The following LTV1 variants were observed in gnomAD, a reference collection of about 807,000 sequenced individuals.
LTV1 encodes LTV1 ribosome biogenesis factor.
In LTV1, 39 loss-of-function variants were observed where a neutral mutation model predicts 59.9. That is an observed-to-expected ratio of 0.65 (90% CI 0.50 to 0.85). LTV1 has a LOEUF of 0.85. LTV1 is among the 40% of genes least tolerant of loss of function. LTV1 has a pLI of 0.00. For missense variants in LTV1, 493 were observed against 549.1 expected, an observed-to-expected ratio of 0.90 and a Z score of 1.02; for synonymous variants, 171 against 189.5, an observed-to-expected ratio of 0.90 and a Z score of 0.80.
At position 143,843,404 on chromosome 6, in the gene LTV1, A is replaced by G. The variant is rs1389517207; in HGVS notation, c.-74A>G. 6.3e-7 allele frequency: 1 copy of G among 1,597,846 alleles called. No homozygotes were observed. ...GCCTACAGAAGCGGCCTTCAGCTGG[A>G]CCTTGGTCTCCCCGCCGGACTTCGA... On this transcript the variant is annotated 5_prime_UTR_variant, in exon 1 of 11. Transcript: ENST00000367576.
At chr6:143,846,457 T>C (rs1210811254) in intron 3 of LTV1, among the ~76,000 whole-genome samples, 3 of 152,032 alleles carry the variant, frequency 2.0e-5, no homozygotes, top group Non-Finnish European at 4.4e-5. Context: ...TCAGAACTTT[T>C]GATTGATAGA....
intron 4 of LTV1, among the ~76,000 whole-genome samples, chr6:143,854,229 A>G (rs946092158): frequency 6.6e-6 from 1 of 152,016 alleles, no homozygotes; most frequent in African/African-American, 2.4e-5. Flanking sequence ...TTTCTAGTTT[A>G]TTTTCATAGA....
rs954451436 is a variant in LTV1, at chr6:143,843,356, C to G, written c.-122C>G. On this transcript the variant is annotated 5_prime_UTR_variant, in exon 1 of 11. Coordinates refer to ENST00000367576, the MANE Select transcript of LTV1 (RefSeq NM_032860.5). The stretch of plus-strand genomic sequence containing the variant: ...CGGCTGGGTGACGTTATCGCCGGGT[C>G]CTGGGGCTGCACGTGTGGTGAGGCC... 7.3e-6 allele frequency: 9 copies of G among 1,231,934 alleles called. No homozygotes were observed. The Admixed American group carries it at 1.5e-4, about 21-fold the overall frequency. 76.3% of individuals were successfully genotyped at this position (1,231,934 alleles called of 1,614,324 possible).
intron 7 of LTV1, among the ~76,000 whole-genome samples, chr6:143,861,792 G>T (rs886614093): frequency 6.6e-6 from 1 of 152,024 alleles, no homozygotes; most frequent in Non-Finnish European, 1.5e-5. Flanking sequence ...TGAAATATTC[G>T]AATACTTTGC....
chr6:143,844,641 C>T (rs1214242611), intron 2 of LTV1, 24 bp downstream of exon 2: 1 of 1,594,656 alleles, frequency 6.3e-7, no homozygotes, highest in South Asian at 1.2e-5. Context: ...TTTAGCCAGT[C>T]AGTTTGTAGG....
intron 4 of LTV1, among the ~76,000 whole-genome samples, chr6:143,856,362 C>T (rs1278852480): frequency 2.0e-5 from 3 of 152,198 alleles, no homozygotes; most frequent in Non-Finnish European, 1.5e-5. Context: ...TTTTAGCTTC[C>T]TTGCGTTGGG....
chr6:143,857,615 A>G lies in LTV1; in HGVS notation c.540-137A>G, dbSNP rs1777098449. On this transcript the variant is annotated intron_variant, in intron 5 of 10. Transcript: ENST00000367576. This position sits in a 1 kb window ranked among gnomAD's most constrained non-coding sequence, Gnocchi z 5.2. ...TTCATTGCTTTTCCTACCAAACCAG[A>G]TTGATCAAACACCCTCACTCTTCCT... is the stretch of plus-strand genomic sequence containing the variant. 3 of 1,121,618 alleles carry G rather than the reference A, an allele frequency of 2.7e-6. No individual in the cohort carries two copies. The highest frequency in any genetic ancestry group is 3.9e-6 in the Non-Finnish European group (3 of 769,476). 69.5% of individuals were successfully genotyped at this position (1,121,618 alleles called of 1,614,324 possible).
At chr6:143,847,383 C>T (rs993667901) in intron 3 of LTV1, among the ~76,000 whole-genome samples, 5 of 152,174 alleles carry the variant, frequency 3.3e-5, no homozygotes, top group East Asian at 1.9e-4. Flanking sequence ...GTTGTTGAGA[C>T]GGAGTTTTGC....
chr6:143,862,814 C>T lies in LTV1; in HGVS notation c.1064-30C>T, dbSNP rs1777189039. On this transcript the variant is annotated intron_variant, in intron 8 of 10. Transcript: ENST00000367576. The surrounding 1 kb of genome is among the most constrained non-coding windows in gnomAD (Gnocchi z 4.2). The stretch of plus-strand genomic sequence containing the variant: ...CTTTGTGGAACTGAAAACATGCTTA[C>T]TGATACATGACTTTTATTTGTTTGT... The T allele has an allele frequency of 7.3e-7, 1 of 1,365,386 alleles. No homozygotes were observed. Among genetic ancestry groups the T allele is most frequent in the Non-Finnish European group, 1.0e-6 (1 of 954,078 alleles). The allele number at this position is 1,365,386 out of a possible 1,614,324, so 84.6% of individuals were successfully genotyped here.
At chr6:143,850,275 G>A in intron 4 of LTV1, 57 bp downstream of exon 4, 1 of 1,334,712 alleles carries the variant, frequency 7.5e-7, no homozygotes, top group Non-Finnish European at 1.1e-6. Context: ...AAAACATAAA[G>A]AAATGATGTA....
chr6:143,853,814 G>T (rs1777029281), intron 4 of LTV1, among the ~76,000 whole-genome samples: 1 of 152,168 alleles, frequency 6.6e-6, no homozygotes, highest in South Asian at 2.1e-4. Context: ...CTTGATTGTG[G>T]TGAATAAGCT....
At chr6:143,858,690 G>T (rs12527533) in intron 6 of LTV1, 4,140 of 153,588 alleles carry the variant, frequency 0.027, 105 homozygotes, top group Admixed American at 0.072. Context: ...GAAGCCGAGC[G>T]GGTTGAGGTT....
Position 143,844,486 on chromosome 6 carries a change from C to A in LTV1, c.4C>A (p.Pro2Thr), listed in dbSNP as rs778845433. The change falls in exon 2 of 11, where the codon CCT becomes ACT. Residue 2 changes from proline to threonine, a missense_variant and splice_region_variant. Coordinates refer to ENST00000367576, the MANE Select transcript of LTV1 (RefSeq NM_032860.5). The stretch of plus-strand genomic sequence containing the variant: ...TTGTTGTGATTTTGTTCCTTTGAAG[C>A]CTCACAGGAAGAAAAAGCCCTTTAT... MPHRKKKPFIEK... is the reference protein window; with the variant it reads MTHRKKKPFIEK... The A allele has an allele frequency of 5.0e-6, 8 of 1,612,708 alleles. No individual in the cohort carries two copies. In the Admixed American group the frequency reaches 6.7e-5, roughly 14 times the overall value.
At position 143,857,204 on chromosome 6, in the gene LTV1, T is replaced by C; in HGVS notation, c.398-99T>C. On this transcript the variant is annotated intron_variant, in intron 4 of 10. Transcript: ENST00000367576. This position sits in a 1 kb window ranked among gnomAD's most constrained non-coding sequence, Gnocchi z 5.2. ...TAATCGTTCTTTTATCCTCAATATA[T>C]TAATAGACTCTTGCTATCATAGGTC... 7.3e-7 allele frequency: 1 copy of C among 1,367,238 alleles called. No homozygotes were observed. The highest frequency in any genetic ancestry group is 2.3e-5 in the East Asian group (1 of 43,552). 84.7% of individuals were successfully genotyped at this position (1,367,238 alleles called of 1,614,324 possible).
At chr6:143,850,866 T>C (rs879428783) in intron 4 of LTV1, among the ~76,000 whole-genome samples, 9 of 152,194 alleles carry the variant, frequency 5.9e-5, no homozygotes, top group Non-Finnish European at 1.2e-4. Flanking sequence ...ATTTACCTCA[T>C]TTGGGAAAAA....
intron 3 of LTV1, 76 bp from the exon 4 acceptor site, chr6:143,850,055 G>C: frequency 9.2e-7 from 1 of 1,089,870 alleles, no homozygotes; most frequent in Non-Finnish European, 1.4e-6. Flanking sequence ...ATTGATTTGG[G>C]GGGGACTTCA....
Position 143,846,152 on chromosome 6 carries a change from A to G in LTV1, c.237A>G (p.Ser79=), listed in dbSNP as rs951040290. The part of the protein sequence containing the change: ...LQHLKEPSGP[S]ELIPSSTFSA... Reference sequence around the variant, plus strand: ...ACCTGAAGGAACCATCTGGGCCTTCAGAGCTTATTCCCTCAAGTACCTTCA... The same window carrying G: ...ACCTGAAGGAACCATCTGGGCCTTCGGAGCTTATTCCCTCAAGTACCTTCA... The change falls in exon 3 of 11, where the codon TCA becomes TCG. Residue 79 remains serine (S), a synonymous_variant. Coordinates refer to ENST00000367576, the MANE Select transcript of LTV1 (RefSeq NM_032860.5). 4 of 1,614,140 alleles carry G rather than the reference A, an allele frequency of 2.5e-6. No homozygotes were observed. The highest frequency in any genetic ancestry group is 3.4e-6 in the Non-Finnish European group (4 of 1,180,044).
At chr6:143,843,504 G>C in intron 1 of LTV1, 24 bp downstream of exon 1, 1 of 1,613,312 alleles carries the variant, frequency 6.2e-7, no homozygotes, top group Non-Finnish European at 8.5e-7. Context: ...GCTTGTTTCG[G>C]CGGCCGAGCG....
At position 143,844,548 on chromosome 6, in the gene LTV1, C is replaced by T; in HGVS notation, c.66C>T (p.His22=). The T allele has an allele frequency of 1.2e-6, 2 of 1,614,108 alleles. No homozygotes were observed. Among genetic ancestry groups the T allele is most frequent in the South Asian group, 1.1e-5 (1 of 91,084 alleles). The change falls in exon 2 of 11, where the codon CAC becomes CAT. Residue 22 remains histidine, a synonymous_variant. Coordinates refer to ENST00000367576, the MANE Select transcript of LTV1 (RefSeq NM_032860.5). ...KKKAVSFHLV[H]RSQRDPLAAD... ...AAGCTGTGTCTTTTCACTTGGTCCA[C>T]CGGAGCCAACGAGATCCTTTAGCAG...
Sources: allele counts gnomAD v4.1 joint callset (sites outside exome capture counted in the v4.1 genomes callset), GRCh38; gene constraint gnomAD v4.1.1; non-coding constraint Gnocchi (gnomAD v3.1); transcripts MANE v1.5; gene names NCBI Gene and HGNC (gene_info 2026-07-23, HGNC 2026-07-21).